Variants in GRK6 observed in about 807,000 individuals in gnomAD.
GRK6 encodes the protein G protein-coupled receptor kinase 6.
In GRK6, 37 loss-of-function variants were observed where a neutral mutation model predicts 80.8. That is an observed-to-expected ratio of 0.46 (90% CI 0.35 to 0.60). GRK6 has a LOEUF of 0.60. GRK6 is among the 20% of genes least tolerant of loss of function. The pLI is 0.00. For synonymous variants in GRK6, 295 were observed against 320.9 expected, an observed-to-expected ratio of 0.92 and a Z score of 0.86; for missense variants, 560 against 784.6, an observed-to-expected ratio of 0.71 and a Z score of 3.42.
At chr5:177,435,986 C>A in intron 11 of GRK6, 87 bp from the exon 12 acceptor site, 1 of 1,154,336 alleles carries the variant, frequency 8.7e-7, no homozygotes, top group Non-Finnish European at 1.3e-6. Context: ...GAGTGTATCC[C>A]AGACCTAACG....
At position 177,431,053 on chromosome 5, in the gene GRK6, C is replaced by T; in HGVS notation, c.148+86C>T. The T allele has an allele frequency of 2.8e-6, 3 of 1,074,236 alleles. No individual in the cohort carries two copies. In the Admixed American group the frequency reaches 6.6e-5, roughly 24 times the overall value. 66.5% of individuals were successfully genotyped at this position (1,074,236 alleles called of 1,614,324 possible). ...CCTCCCCTGAGACCTTGCCCCGGAGCAGAGGGGCAGACTTGGGGGCTCCAG... is the reference window on the plus strand; with the variant it reads ...CCTCCCCTGAGACCTTGCCCCGGAGTAGAGGGGCAGACTTGGGGGCTCCAG... On this transcript the variant is annotated intron_variant, in intron 2 of 15. Coordinates refer to ENST00000355472, the MANE Select transcript of GRK6 (RefSeq NM_001004106.3).
At chr5:177,431,607 C>T (rs193109737) in intron 2 of GRK6, 5 of 265,708 alleles carry the variant, frequency 1.9e-5, no homozygotes, top group Admixed American at 5.1e-5. Flanking sequence ...AGCTTCCTCT[C>T]GCACTTTCGC....
intron 2 of GRK6, chr5:177,431,610 A>G (rs888150250): frequency 4.2e-5 from 11 of 264,766 alleles, no homozygotes; most frequent in Middle Eastern, 1.4e-3. Context: ...TTCCTCTCGC[A>G]CTTTCGCCAG....
At chr5:177,437,845 C>T (rs1764233064) in intron 13 of GRK6, among the ~76,000 whole-genome samples, 1 of 152,232 alleles carries the variant, frequency 6.6e-6, no homozygotes, top group Non-Finnish European at 1.5e-5. Flanking sequence ...AACGGTTCAC[C>T]AGGAACACTG....
rs771946098 is a variant in GRK6, at chr5:177,432,044, G to A, written c.198G>A (p.Leu66=). ...AGCGGCAGCCCATTGGGCGCCTGCT[G>A]TTCCGAGAGTTCTGTGCCACGAGGC... ...LCERQPIGRL[L]FREFCATRPE... Residue 66 remains leucine, a synonymous_variant, in exon 3 of 16, where the codon CTG becomes CTA. Coordinates refer to ENST00000355472, the MANE Select transcript of GRK6 (RefSeq NM_001004106.3). 2 of 1,613,292 alleles carry A rather than the reference G, an allele frequency of 1.2e-6. No homozygotes were observed. The highest frequency in any genetic ancestry group is 2.2e-5 in the South Asian group (2 of 91,082).
intron 13 of GRK6, among the ~76,000 whole-genome samples, chr5:177,439,460 A>G (rs908639200): frequency 1.3e-5 from 2 of 151,858 alleles, no homozygotes; most frequent in Admixed American, 6.6e-5. Flanking sequence ...GAATCGCTTG[A>G]ACCTAGGAGG....
intron 15 of GRK6, chr5:177,441,399 C>T: frequency 1.1e-6 from 1 of 929,822 alleles, no homozygotes. Flanking sequence ...TGCACCCTGG[C>T]CCCTTCGAGC....
rs756506142 is a variant in GRK6, at chr5:177,429,311, C to T, written c.53-1561C>T. 2.6e-5 allele frequency among the ~76,000 whole-genome samples: 4 copies of T among 152,058 alleles called. No individual in the cohort carries two copies. Among genetic ancestry groups the T allele is most frequent in the African/African-American group, 7.2e-5 (3 of 41,396 alleles). On this transcript the variant is annotated intron_variant, in intron 1 of 15. Coordinates refer to ENST00000355472, the MANE Select transcript of GRK6 (RefSeq NM_001004106.3). The surrounding 1 kb of genome is among the most constrained non-coding windows in gnomAD (Gnocchi z 4.3). ...AGGGGACAGGGAGGGTGGGGAAGAGCTCCACTGACTGGGCAGCCCAGGACA... is the reference window on the plus strand; with the variant it reads ...AGGGGACAGGGAGGGTGGGGAAGAGTTCCACTGACTGGGCAGCCCAGGACA...
In GRK6 at chr5:177,434,907, T is replaced by C; in HGVS notation, c.935T>C (p.Leu312Pro). Residue 312 changes from leucine to proline, a missense_variant, in exon 10 of 16, where the codon CTG (leucine) becomes CCG (proline). By Grantham distance (98) the Leu-to-Pro change is moderately conservative. Transcript: ENST00000355472. The stretch of plus-strand genomic sequence containing the variant: ...CTGCTCTTCTCTCTGCACAGGGACC[T>C]GAAGCCCGAGAACATCTTGCTGGAT... ...LHRERIVYRD[L>P]KPENILLDDH... is the part of the protein sequence containing the mutation. 1 of 1,613,606 alleles carries C rather than the reference T, an allele frequency of 6.2e-7. No individual in the cohort carries two copies. Among genetic ancestry groups the C allele is most frequent in the South Asian group, 1.1e-5 (1 of 91,072 alleles).
In GRK6 at chr5:177,440,930, C is replaced by T. The variant is rs367770596; in HGVS notation, c.1554C>T (p.Thr518=). 21 of 1,613,880 alleles carry T rather than the reference C, an allele frequency of 1.3e-5. No individual in the cohort carries two copies. The Admixed American group carries it at 1.7e-4, about 13-fold the overall frequency. ...PIPWQNEMVE[T]ECFQELNVFG... ...CTGCTCCTCAGCAGATGGTGGAGAC[C>T]GAGTGCTTCCAAGAGCTGAATGTCT... Residue 518 remains threonine (T), a synonymous_variant, in exon 15 of 16, where the codon ACC becomes ACT. Transcript: ENST00000355472.
intron 11 of GRK6, 114 bp from the exon 12 acceptor site, chr5:177,435,959 C>A: frequency 1.1e-6 from 1 of 877,756 alleles, no homozygotes; most frequent in Non-Finnish European, 1.8e-6. Context: ...CCAAGGTCCC[C>A]CCTGGCCAGC....
At chr5:177,436,694 A>G (rs943455503) in intron 13 of GRK6, 164 bp downstream of exon 13, 11 of 727,998 alleles carry the variant, frequency 1.5e-5, no homozygotes, top group Non-Finnish European at 2.2e-5. Context: ...AAGCCCCAGG[A>G]TGGGTCTGGC....
At position 177,432,293 on chromosome 5, in the gene GRK6, A is replaced by C; in HGVS notation, c.322A>C (p.Asn108His). 6.2e-7 allele frequency: 1 copy of C among 1,612,848 alleles called. No individual in the cohort carries two copies. The highest frequency in any genetic ancestry group is 8.5e-7 in the Non-Finnish European group (1 of 1,179,986). ...GGCATGTGGGCGGCAGCTAACGCAG[A>C]ATTTTCTGAGCCACACGGTGAGTGA... ...RKACGRQLTQ[N>H]FLSHTGPDLI... Residue 108 changes from asparagine to histidine, a missense_variant, in exon 4 of 16, where the codon AAT becomes CAT. Around this residue, in one of 3 missense-constraint regions of GRK6, gnomAD observed 189 missense variants for 230.2 expected, o/e 0.82. Coordinates refer to ENST00000355472, the MANE Select transcript of GRK6 (RefSeq NM_001004106.3).
chr5:177,426,378 C>T (rs1392296201), upstream of GRK6: 1 of 152,282 alleles, frequency 6.6e-6, no homozygotes, highest in Admixed American at 6.5e-5. Flanking sequence ...GAGTACCCAC[C>T]TCCATTGTCC....
intron 11 of GRK6, among the ~76,000 whole-genome samples, chr5:177,435,427 C>G (rs1462979901): frequency 6.6e-6 from 1 of 152,276 alleles, no homozygotes; most frequent in Non-Finnish European, 1.5e-5. Flanking sequence ...CCTGCCCTCC[C>G]TGTGCCCATC....
At chr5:177,441,409 C>A in intron 15 of GRK6, 1 of 885,534 alleles carries the variant, frequency 1.1e-6, no homozygotes, top group Non-Finnish European at 1.7e-6. Context: ...CCCCTTCGAG[C>A]TGCCAGCTTT....
chr5:177,430,708 G>C, intron 1 of GRK6, 164 bp from the exon 2 acceptor site: 1 of 625,824 alleles, frequency 1.6e-6, no homozygotes, highest in Admixed American at 2.8e-5. Flanking sequence ...GTGTGTCCTG[G>C]AACGCAGCAA....
chr5:177,433,007 G>T (rs1045688485), intron 5 of GRK6, 140 bp from the exon 6 acceptor site: 6 of 804,806 alleles, frequency 7.5e-6, no homozygotes, highest in African/African-American at 1.7e-5. Context: ...GTGTCTCCCC[G>T]CTCAGGGGTT....
chr5:177,440,768 G>A lies in GRK6; in HGVS notation c.1473G>A (p.Leu491=). 1 of 1,614,196 alleles carries A rather than the reference G, an allele frequency of 6.2e-7. No individual in the cohort carries two copies. The highest frequency in any genetic ancestry group is 8.5e-7 in the Non-Finnish European group (1 of 1,180,032). Residue 491 remains leucine (L), a synonymous_variant, in exon 14 of 16, where the codon CTG becomes CTA. Coordinates refer to ENST00000355472, the MANE Select transcript of GRK6 (RefSeq NM_001004106.3). ...TCTCTACGGTCAAGGGCGTGGAGCT[G>A]GAGCCTACCGACCAGGACTTCTACC... The part of the protein sequence containing the change: ...EQFSTVKGVE[L]EPTDQDFYQK...
Sources: gnomAD v4.1 joint callset for allele counts (sites outside exome capture counted in the v4.1 genomes callset) on GRCh38, gnomAD v4.1.1 for gene constraint, gnomAD v4.1.1 regional missense constraint, Gnocchi (gnomAD v3.1) non-coding constraint, MANE v1.5 for transcripts, NCBI Gene and HGNC (gene_info 2026-07-23, HGNC 2026-07-21) for gene names.